The following FAM171A1 variants were observed in gnomAD, a reference collection of about 807,000 sequenced individuals.
FAM171A1 encodes family with sequence similarity 171 member A1.
Under a neutral mutation model 74.9 loss-of-function variants are expected in FAM171A1, and 23 were observed. The observed-to-expected ratio is 0.31, with a 90% CI of 0.22 to 0.44. FAM171A1 has a LOEUF of 0.44. Among genes scored for constraint, FAM171A1 ranks in the 20% least tolerant of loss-of-function variants. The pLI, the probability that FAM171A1 is intolerant of heterozygous loss-of-function variation, is 1.00. For synonymous variants in FAM171A1, 527 were observed against 505.7 expected (o/e 1.04, Z -0.57); for missense variants, 1,162 against 1,159.2 (o/e 1.00, Z -0.03).
At chr10:15,294,897 T>C (rs7918217) in intron 1 of FAM171A1, among the ~76,000 whole-genome samples, 50,701 of 151,900 alleles carry the variant, frequency 0.33, 9,159 homozygotes, top group African/African-American at 0.47. Context: ...TCTGAAGGCA[T>C]GCCTTGTTTT....
chr10:15,285,646 G>A (rs1045400548), intron 1 of FAM171A1, among the ~76,000 whole-genome samples: 3 of 151,838 alleles, frequency 2.0e-5, no homozygotes, highest in Non-Finnish European at 4.4e-5. Context: ...CAAGCAGCTG[G>A]TGTGATGTAT....
chr10:15,242,124 T>C (rs1834371541), intron 5 of FAM171A1, among the ~76,000 whole-genome samples: 1 of 152,224 alleles, frequency 6.6e-6, no homozygotes, highest in African/African-American at 2.4e-5. Context: ...TAATCATAAA[T>C]AGCAGCTAAT....
At chr10:15,226,695 A>T (rs1054822931) in intron 5 of FAM171A1, among the ~76,000 whole-genome samples, 7 of 152,228 alleles carry the variant, frequency 4.6e-5, no homozygotes, top group Non-Finnish European at 8.8e-5. Context: ...CATAATTATG[A>T]TCAACTACAA....
intron 1 of FAM171A1, among the ~76,000 whole-genome samples, chr10:15,360,392 T>C (rs1478030940): frequency 6.6e-6 from 1 of 152,232 alleles, no homozygotes; most frequent in East Asian, 1.9e-4. Context: ...GGAAAACTAA[T>C]GCAATGAAAA....
intron 1 of FAM171A1, among the ~76,000 whole-genome samples, chr10:15,331,873 G>A (rs61842698): frequency 0.65 from 26,113 of 40,070 alleles, 6,552 homozygotes; most frequent in East Asian, 0.78. Flanking sequence ...ATATATGTGT[G>A]TGTATACATA....
intron 3 of FAM171A1, among the ~76,000 whole-genome samples, chr10:15,261,727 A>G (rs1834659741): frequency 6.6e-6 from 1 of 152,150 alleles, no homozygotes; most frequent in Admixed American, 6.5e-5. Context: ...CAGATAAAGA[A>G]AATCTACCAT....
intron 1 of FAM171A1, among the ~76,000 whole-genome samples, chr10:15,348,516 C>A (rs568221706): frequency 2.6e-5 from 4 of 152,324 alleles, no homozygotes; most frequent in African/African-American, 9.6e-5. Flanking sequence ...GCAGAACTGA[C>A]TGCAGTGTAA....
chr10:15,370,007 C>T (rs892014527), intron 1 of FAM171A1, among the ~76,000 whole-genome samples: 7 of 152,256 alleles, frequency 4.6e-5, no homozygotes, highest in African/African-American at 1.7e-4. Flanking sequence ...CTTTTGAAAA[C>T]GCCAGCAACA....
chr10:15,287,185 G>A (rs554594489), intron 1 of FAM171A1, among the ~76,000 whole-genome samples: 17 of 139,896 alleles, frequency 1.2e-4, no homozygotes, highest in South Asian at 2.3e-4. Context: ...TTCGCCTCCC[G>A]GGTTCACGCC....
intron 1 of FAM171A1, among the ~76,000 whole-genome samples, chr10:15,315,391 G>A (rs1310277301): frequency 6.6e-6 from 1 of 152,182 alleles, no homozygotes; most frequent in Non-Finnish European, 1.5e-5. Flanking sequence ...GATATGTGTA[G>A]AACATTCACA....
At chr10:15,273,455 C>T (rs185024083) in intron 3 of FAM171A1, among the ~76,000 whole-genome samples, 3 of 152,278 alleles carry the variant, frequency 2.0e-5, no homozygotes, top group East Asian at 3.9e-4. Flanking sequence ...ACGAATTCTA[C>T]AAGAGCTACA....
chr10:15,314,344 T>C (rs563899830), intron 1 of FAM171A1, among the ~76,000 whole-genome samples: 2 of 152,352 alleles, frequency 1.3e-5, no homozygotes, highest in South Asian at 4.1e-4. Flanking sequence ...TATCCAATTC[T>C]CAAACACAGT....
intron 4 of FAM171A1, 145 bp from the exon 5 acceptor site, chr10:15,248,960 C>G: frequency 1.5e-6 from 1 of 671,820 alleles, no homozygotes; most frequent in South Asian, 2.5e-5. Flanking sequence ...TAATCCTCAC[C>G]ACAACCCAGT....
chr10:15,284,513 C>T (rs1450455492), intron 1 of FAM171A1, among the ~76,000 whole-genome samples: 1 of 152,100 alleles, frequency 6.6e-6, no homozygotes, highest in Non-Finnish European at 1.5e-5. Context: ...GTCTCGATCT[C>T]CTGGGCTCAA....
intron 1 of FAM171A1, among the ~76,000 whole-genome samples, chr10:15,354,452 C>T (rs576482541): frequency 6.6e-6 from 1 of 152,096 alleles, no homozygotes; most frequent in African/African-American, 2.4e-5. Context: ...ACCGAGATCA[C>T]GCCACTACAC....
intron 1 of FAM171A1, among the ~76,000 whole-genome samples, chr10:15,295,518 T>A (rs898982672): frequency 4.6e-5 from 7 of 152,362 alleles, no homozygotes; most frequent in African/African-American, 1.2e-4. Flanking sequence ...CTCCATTTTT[T>A]AAATTTGTTT....
intron 1 of FAM171A1, among the ~76,000 whole-genome samples, chr10:15,349,199 G>A (rs1029367931): frequency 6.6e-6 from 1 of 152,114 alleles, no homozygotes; most frequent in Non-Finnish European, 1.5e-5. Flanking sequence ...ACAGAAAGGC[G>A]CCCTAGAAAA....
In FAM171A1 at chr10:15,213,804, G is replaced by C. The variant is rs751970732; in HGVS notation, c.1784C>G (p.Ser595Cys). 4 of 1,614,046 alleles carry C rather than the reference G, an allele frequency of 2.5e-6. No individual in the cohort carries two copies. The highest frequency in any genetic ancestry group is 3.4e-6 in the Non-Finnish European group (4 of 1,180,042). The change falls in exon 8 of 8, where the codon TCC (serine) becomes TGC (cysteine). Residue 595 changes from serine (S) to cysteine (C), a missense_variant. Ser to Cys is a moderately radical substitution (Grantham distance 112). Coordinates refer to ENST00000378116, the MANE Select transcript of FAM171A1 (RefSeq NM_001010924.2). The surrounding 1 kb of genome is among the most constrained non-coding windows in gnomAD (Gnocchi z 6.8). ...GACGACGAGGGGCTGGCTGACATAGGAGTGGTCCCCGGGGAGTTTCATATA... is the reference window on the plus strand; with the variant it reads ...GACGACGAGGGGCTGGCTGACATAGCAGTGGTCCCCGGGGAGTTTCATATA... Reference protein sequence around the residue: ...AHYMKLPGDHSYVSQPLVVPA... With the variant: ...AHYMKLPGDHCYVSQPLVVPA...
At chr10:15,308,704 C>T (rs555464068) in intron 1 of FAM171A1, among the ~76,000 whole-genome samples, 4 of 152,178 alleles carry the variant, frequency 2.6e-5, no homozygotes, top group African/African-American at 9.7e-5. Flanking sequence ...CCACTCCAAG[C>T]ATTAGTGGGT....
Sources: allele counts gnomAD v4.1 joint callset (sites outside exome capture counted in the v4.1 genomes callset), GRCh38; gene constraint gnomAD v4.1.1; non-coding constraint Gnocchi (gnomAD v3.1); transcripts MANE v1.5; gene names NCBI Gene and HGNC (gene_info 2026-07-23, HGNC 2026-07-21).